Variants in TMX2 observed in about 807,000 individuals in gnomAD.
TMX2 encodes thioredoxin related transmembrane protein 2, also known as thioredoxin-related transmembrane protein 2.
A neutral mutation model predicts 33.4 loss-of-function variants in TMX2; 20 were observed. That is an observed-to-expected ratio of 0.60 (90% CI 0.42 to 0.87). TMX2 has a LOEUF of 0.87. TMX2 is among the 40% of genes least tolerant of loss of function. The probability of loss-of-function intolerance (pLI) is 0.00; values close to 1 mark genes in which losing one functional copy is unlikely to be tolerated. For missense variants in TMX2, 340 were observed against 370.7 expected, an observed-to-expected ratio of 0.92 and a Z score of 0.68; for synonymous variants, 166 against 140.7, an observed-to-expected ratio of 1.18 and a Z score of -1.27.
At chr11:57,728,696 C>A (rs1426559747) in intron 1 of TMX2, among the ~76,000 whole-genome samples, 1 of 152,092 alleles carries the variant, frequency 6.6e-6, no homozygotes, top group African/African-American at 2.4e-5. Context: ...TTCGGTTCAT[C>A]TGTGTCCATT....
chr11:57,734,727 G>A lies in TMX2; in HGVS notation c.190-2881G>A, dbSNP rs570712986. Among the ~76,000 whole-genome samples the A allele has an allele frequency of 7.3e-5, 11 of 151,658 alleles. 2 individuals carry two copies. In the East Asian group the frequency reaches 1.7e-3, roughly 24 times the overall value. ...TGTGGCATTGCACTCCAGCCTGGGC[G>A]ACAGAGCAAGACTCCTCCATCTCAA... On this transcript the variant is annotated intron_variant, in intron 1 of 7. Transcript: ENST00000278422.
chr11:57,738,600 A>G (rs1036588800), intron 4 of TMX2, 64 bp from the exon 5 acceptor site: 6 of 1,445,790 alleles, frequency 4.1e-6, no homozygotes, highest in African/African-American at 1.4e-5. Flanking sequence ...ATTAGATGCT[A>G]AAGTCTGAAC....
At chr11:57,727,220 C>T (rs1187044591) in intron 1 of TMX2, among the ~76,000 whole-genome samples, 1 of 152,128 alleles carries the variant, frequency 6.6e-6, no homozygotes, top group Non-Finnish European at 1.5e-5. Context: ...GCTATTACAT[C>T]AGGTCAGACC....
intron 3 of TMX2, 107 bp downstream of exon 3, chr11:57,738,133 C>A: frequency 1.1e-6 from 1 of 898,994 alleles, no homozygotes; most frequent in Non-Finnish European, 1.7e-6. Flanking sequence ...CATGTTTCTC[C>A]ATACCCTTCT....
intron 1 of TMX2, among the ~76,000 whole-genome samples, chr11:57,713,713 C>T (rs1946791304): frequency 6.6e-6 from 1 of 152,184 alleles, no homozygotes; most frequent in Non-Finnish European, 1.5e-5. Flanking sequence ...CAGTGGGGTA[C>T]AGATGCTTAT....
chr11:57,717,822 ATTG>A (rs1159970943), intron 1 of TMX2, among the ~76,000 whole-genome samples: 8 of 150,402 alleles, frequency 5.3e-5, no homozygotes, highest in East Asian at 2.0e-4. Flanking sequence ...CTAGCTTTTT[ATTG>A]TTGTTGTTAT....
At chr11:57,731,697 A>T (rs1356162861) in intron 1 of TMX2, among the ~76,000 whole-genome samples, 1 of 152,010 alleles carries the variant, frequency 6.6e-6, no homozygotes, top group Non-Finnish European at 1.5e-5. Context: ...AGTGGTGGAG[A>T]CCAAGAAGCT....
intron 1 of TMX2, among the ~76,000 whole-genome samples, chr11:57,716,414 C>T (rs1479892126): frequency 3.9e-5 from 5 of 127,350 alleles, no homozygotes; most frequent in South Asian, 2.6e-4. Flanking sequence ...ACCTCCCTCC[C>T]GGACGGGGCG....
intron 1 of TMX2, among the ~76,000 whole-genome samples, chr11:57,731,865 T>A (rs1948430459): frequency 1.3e-5 from 2 of 152,220 alleles, no homozygotes; most frequent in Admixed American, 1.3e-4. Context: ...CCAATAGGCT[T>A]ACAGGGGCTT....
chr11:57,727,328 G>C (rs552291585), intron 1 of TMX2, among the ~76,000 whole-genome samples: 10 of 151,986 alleles, frequency 6.6e-5, no homozygotes, highest in Admixed American at 4.6e-4. Context: ...GTGGGACCCT[G>C]CCAGATAGCC....
At chr11:57,733,488 C>G (rs1948532731) in intron 1 of TMX2, among the ~76,000 whole-genome samples, 1 of 151,866 alleles carries the variant, frequency 6.6e-6, no homozygotes, top group South Asian at 2.1e-4. Context: ...AATTCCTGAC[C>G]TCAGGTGATC....
rs1279668646 is a variant in TMX2, at chr11:57,740,235, A to G, written c.881A>G (p.Lys294Arg). 1 of 1,598,738 alleles carries G rather than the reference A, an allele frequency of 6.3e-7. No individual in the cohort carries two copies. The highest frequency in any genetic ancestry group is 1.8e-5 in the Admixed American group (1 of 56,682). The change falls in exon 8 of 8, where the codon AAG (lysine) becomes AGG (arginine). Residue 294 changes from lysine to arginine, a missense_variant. Physicochemically the swap from Lys to Arg is conservative, Grantham distance 26. Transcript: ENST00000278422. ...ACAGTGTCAGATGGGGAAAACAAGA[A>G]GGATAAATAAGATCCTCACTTTGGC... Reference protein sequence around the residue: ...PTTVSDGENKKDK With the variant: ...PTTVSDGENKRDK
intron 1 of TMX2, among the ~76,000 whole-genome samples, chr11:57,726,615 A>G (rs1329032694): frequency 6.6e-6 from 1 of 151,038 alleles, no homozygotes; most frequent in East Asian, 1.9e-4. Flanking sequence ...CAAGGAAAAA[A>G]CACTGTAGAA....
chr11:57,715,025 A>G (rs1946884527), intron 1 of TMX2, among the ~76,000 whole-genome samples: 1 of 152,226 alleles, frequency 6.6e-6, no homozygotes, highest in Non-Finnish European at 1.5e-5. Context: ...ATTTTTACCC[A>G]GTCCGGTGAT....
intron 1 of TMX2, chr11:57,718,014 G>C: frequency 2.4e-6 from 2 of 837,634 alleles, no homozygotes; most frequent in Non-Finnish European, 4.1e-6. Context: ...ATGGTCTGGT[G>C]GTGAAGACAA....
intron 1 of TMX2, among the ~76,000 whole-genome samples, chr11:57,717,363 G>A (rs1404305351): frequency 1.3e-5 from 2 of 152,094 alleles, no homozygotes; most frequent in East Asian, 3.9e-4. Flanking sequence ...GCTGGGAGAT[G>A]GAGGTTGTAG....
chr11:57,718,081 T>G, intron 1 of TMX2: 1 of 1,280,684 alleles, frequency 7.8e-7, no homozygotes, highest in Non-Finnish European at 1.1e-6. Flanking sequence ...TTCTTGCTGG[T>G]CTTGCCATTC....
At chr11:57,738,933 A>G in intron 5 of TMX2, 41 bp from the exon 6 acceptor site, 3 of 1,594,862 alleles carry the variant, frequency 1.9e-6, no homozygotes, top group Non-Finnish European at 2.6e-6. Flanking sequence ...TCCTTGATCC[A>G]TTATTTTTTT....
rs1947048618 is a variant in TMX2, at chr11:57,716,434, G to A, written c.189+3627G>A. On this transcript the variant is annotated intron_variant, in intron 1 of 7. Coordinates refer to ENST00000278422, the MANE Select transcript of TMX2 (RefSeq NM_015959.4). ...CCTCCCGGACGGGGCGGCTGGCCGG[G>A]CGGGGGGCTGACCCCCCCACCTCCC... Among the ~76,000 whole-genome samples, 4 of 136,386 alleles carry A rather than the reference G, an allele frequency of 2.9e-5. No individual in the cohort carries two copies. In the South Asian group the frequency reaches 9.3e-4, roughly 32 times the overall value. 89.5% of individuals were successfully genotyped at this position (136,386 alleles called of 152,430 possible). A position where few individuals can be genotyped will look rare whatever the true frequency, so the allele number is the denominator to read the frequency against.
Sources: gnomAD v4.1 joint callset for allele counts (sites outside exome capture counted in the v4.1 genomes callset) on GRCh38, gnomAD v4.1.1 for gene constraint, MANE v1.5 for transcripts, NCBI Gene and HGNC (gene_info 2026-07-23, HGNC 2026-07-21) for gene names.